The following PDCD6 variants were observed in gnomAD, a reference collection of about 807,000 sequenced individuals.
PDCD6 encodes programmed cell death protein 6.
A neutral mutation model predicts 28.3 loss-of-function variants in PDCD6; 12 were observed. That is an observed-to-expected ratio of 0.42 (90% confidence interval 0.27 to 0.69). The LOEUF is 0.69. PDCD6 is among the 30% of genes least tolerant of loss of function. The pLI is 0.22. For missense variants in PDCD6, 226 were observed against 269.9 expected (o/e 0.84, Z 1.14); for synonymous variants, 92 against 108.0 (o/e 0.85, Z 0.92).
At chr5:275,126 A>G (rs1240051316) in intron 2 of PDCD6, among the ~76,000 whole-genome samples, 1 of 152,100 alleles carries the variant, frequency 6.6e-6, no homozygotes, top group Non-Finnish European at 1.5e-5. Context: ...CCTCTTCTCT[A>G]ATGTGAGTGC....
intron 2 of PDCD6, among the ~76,000 whole-genome samples, chr5:303,888 T>C (rs6861230): frequency 0.12 from 17,972 of 144,648 alleles, 1,695 homozygotes; most frequent in African/African-American, 0.35. Context: ...AACCATTTCT[T>C]GGTTATCTGT....
chr5:286,533 A>G (rs1168067356), intron 2 of PDCD6, among the ~76,000 whole-genome samples: 3 of 126,130 alleles, frequency 2.4e-5, no homozygotes, highest in African/African-American at 9.3e-5. Context: ...TGATGTTCCC[A>G]TTTGAGAGCT....
At chr5:306,825 T>C in intron 4 of PDCD6, 65 bp downstream of exon 4, 1 of 1,516,788 alleles carries the variant, frequency 6.6e-7, no homozygotes, top group Non-Finnish European at 9.1e-7. Context: ...GTTGAAGTTC[T>C]TTAAACCTTG....
intron 2 of PDCD6, among the ~76,000 whole-genome samples, chr5:302,105 T>TGTGTGTGTGTGTGTGTGC (rs1554007712): frequency 7.8e-6 from 1 of 127,872 alleles, no homozygotes; most frequent in African/African-American, 3.9e-5. Flanking sequence ...TGTGTGTGTG[T>TGTGTGTGTGTGTGTGTGC]GTGCCTTGGG....
chr5:298,015 C>G (rs1739728848), intron 2 of PDCD6, among the ~76,000 whole-genome samples: 1 of 152,144 alleles, frequency 6.6e-6, no homozygotes, highest in African/African-American at 2.4e-5. Context: ...AAGGTTAGAT[C>G]CACGTAAATA....
intron 2 of PDCD6, among the ~76,000 whole-genome samples, chr5:294,371 C>T (rs1238132476): frequency 6.6e-6 from 1 of 151,266 alleles, no homozygotes; most frequent in Non-Finnish European, 1.5e-5. Context: ...GTAAAAGCCC[C>T]AGTATTAAAG....
intron 2 of PDCD6, among the ~76,000 whole-genome samples, chr5:284,655 C>T (rs576968351): frequency 8.7e-4 from 81 of 92,812 alleles, no homozygotes; most frequent in African/African-American, 7.1e-3. Context: ...AGCTGGAGAC[C>T]GGGCGGGAGC....
chr5:306,761 G>A lies in PDCD6; in HGVS notation c.367+1G>A. ...CTGAAGCAGGCCCTCTCAGGTTTCGGTAACTCACTCACTCTGGCTTGTGTA... is the reference window on the plus strand; with the variant it reads ...CTGAAGCAGGCCCTCTCAGGTTTCGATAACTCACTCACTCTGGCTTGTGTA... On this transcript the variant is annotated splice_donor_variant, in intron 4 of 5. Transcript: ENST00000264933. LOFTEE classifies it high-confidence loss of function. The A allele has an allele frequency of 6.2e-7, 1 of 1,613,414 alleles. No individual in the cohort carries two copies. The highest frequency in any genetic ancestry group is 8.5e-7 in the Non-Finnish European group (1 of 1,179,662).
Position 306,703 on chromosome 5 carries a change from C to G in PDCD6, c.310C>G (p.Arg104Gly). 6.2e-7 allele frequency: 1 copy of G among 1,614,018 alleles called. No individual in the cohort carries two copies. The highest frequency in any genetic ancestry group is 8.5e-7 in the Non-Finnish European group (1 of 1,180,028). Residue 104 changes from arginine (R) to glycine (G), a missense_variant, in exon 4 of 6, where the codon CGG becomes GGG. By Grantham distance (125) the Arg-to-Gly change is moderately radical (BLOSUM62 -2). Transcript: ENST00000264933. ...GCAGAACGTCTTCCGCACGTACGAC[C>G]GGGACAACTCCGGGATGATCGATAA... is the stretch of plus-strand genomic sequence containing the variant. ...DWQNVFRTYD[R>G]DNSGMIDKNE...
chr5:307,204 C>T lies in PDCD6; in HGVS notation c.367+444C>T, dbSNP rs917940290. On this transcript the variant is annotated intron_variant, in intron 4 of 5. Coordinates refer to ENST00000264933, the MANE Select transcript of PDCD6 (RefSeq NM_013232.4). This position sits in a 1 kb window ranked among gnomAD's most constrained non-coding sequence, Gnocchi z 6.1. ...CTCAGAAGGGGCGTTAGGCAGAACG[C>T]GTGCCCATTCTCAGGTGTGCTCGGC... Among the ~76,000 whole-genome samples the T allele has an allele frequency of 4.6e-5, 7 of 151,248 alleles. No homozygotes were observed. Among genetic ancestry groups the T allele is most frequent in the Admixed American group, 3.3e-4 (5 of 15,246 alleles).
At position 314,861 on chromosome 5, in the gene PDCD6, A is replaced by C. The variant is rs1489378651; in HGVS notation, c.*346A>C. The C allele has an allele frequency of 2.7e-6, 1 of 372,656 alleles. No homozygotes were observed. The highest frequency in any genetic ancestry group is 5.1e-6 in the Non-Finnish European group (1 of 194,256). 23.1% of individuals were successfully genotyped at this position (372,656 alleles called of 1,614,324 possible). A position where few individuals can be genotyped will look rare whatever the true frequency, so the allele number is the denominator to read the frequency against. ...CTTTTATTAGCCAATAGGAATTTTAAAATAACATGGAACTTACACAAAAGG... is the reference window on the plus strand; with the variant it reads ...CTTTTATTAGCCAATAGGAATTTTACAATAACATGGAACTTACACAAAAGG... On this transcript the variant is annotated 3_prime_UTR_variant, in exon 6 of 6. Coordinates refer to ENST00000264933, the MANE Select transcript of PDCD6 (RefSeq NM_013232.4).
intron 2 of PDCD6, among the ~76,000 whole-genome samples, chr5:302,298 CTG>C: frequency 7.6e-6 from 1 of 131,340 alleles, no homozygotes; most frequent in Non-Finnish European, 1.6e-5. Flanking sequence ...TCGAGTGCTG[CTG>C]TGTGTGTGGG....
intron 2 of PDCD6, among the ~76,000 whole-genome samples, chr5:278,965 C>T (rs988167040): frequency 6.6e-6 from 1 of 152,020 alleles, no homozygotes; most frequent in Non-Finnish European, 1.5e-5. Flanking sequence ...GTGTGGGCCA[C>T]CTGTGGCTTG....
chr5:292,663 C>T lies in PDCD6; in HGVS notation c.164-11514C>T, dbSNP rs1579510980. ...CACCAGGATAAATGTGCAGGATCTC[C>T]TCTCTGGTGGGAGAAGAGACAGAGA... On this transcript the variant is annotated intron_variant, in intron 2 of 5. Coordinates refer to ENST00000264933, the MANE Select transcript of PDCD6 (RefSeq NM_013232.4). Among the ~76,000 whole-genome samples the T allele has an allele frequency of 2.0e-5, 3 of 152,322 alleles. No individual in the cohort carries two copies. In the East Asian group the frequency reaches 5.8e-4, roughly 29 times the overall value.
intron 2 of PDCD6, among the ~76,000 whole-genome samples, chr5:299,488 T>C (rs1277052228): frequency 1.3e-5 from 2 of 151,836 alleles, no homozygotes; most frequent in Non-Finnish European, 2.9e-5. Context: ...AAATTAACTT[T>C]TTTCAAGTCT....
At chr5:293,284 C>A (rs1221453589) in intron 2 of PDCD6, among the ~76,000 whole-genome samples, 2 of 149,870 alleles carry the variant, frequency 1.3e-5, no homozygotes, top group African/African-American at 2.5e-5. Context: ...ACCCACGATA[C>A]TGTCAGAGAT....
At chr5:279,241 G>C (rs370355775) in intron 2 of PDCD6, among the ~76,000 whole-genome samples, 2 of 152,072 alleles carry the variant, frequency 1.3e-5, no homozygotes, top group Non-Finnish European at 2.9e-5. Context: ...TGCCAGGGCC[G>C]GAGGGAGGGT....
At chr5:273,763 A>G (rs185300851) in intron 2 of PDCD6, among the ~76,000 whole-genome samples, 1 of 152,200 alleles carries the variant, frequency 6.6e-6, no homozygotes, top group East Asian at 1.9e-4. Flanking sequence ...TAACATTTTT[A>G]CCTTATATTA....
intron 2 of PDCD6, among the ~76,000 whole-genome samples, chr5:295,192 A>G (rs1282263203): frequency 1.4e-5 from 2 of 148,080 alleles, no homozygotes; most frequent in Middle Eastern, 3.2e-3. Flanking sequence ...AAACAAAAAC[A>G]TATTAAAAAA....
Sources: allele counts gnomAD v4.1 joint callset (sites outside exome capture counted in the v4.1 genomes callset), GRCh38; gene constraint gnomAD v4.1.1; non-coding constraint Gnocchi (gnomAD v3.1); transcripts MANE v1.5; gene names NCBI Gene and HGNC (gene_info 2026-07-23, HGNC 2026-07-21).